Variants in SHISA4 observed in about 807,000 individuals in gnomAD.
The protein encoded by SHISA4 is shisa family member 4, also known as protein shisa-4.
In SHISA4, 16 loss-of-function variants were observed where a neutral mutation model predicts 24.2. The ratio of observed to expected loss-of-function variants is 0.66; its 90% confidence interval spans 0.45 to 1.00. The LOEUF (loss-of-function observed/expected upper bound fraction) is 1.00. SHISA4 is among the 50% of genes least tolerant of loss of function. The probability of loss-of-function intolerance (pLI) is 0.00; values close to 1 mark genes in which losing one functional copy is unlikely to be tolerated. For synonymous variants in SHISA4, 106 were observed against 105.4 expected (o/e 1.01, Z -0.04); for missense variants, 238 against 258.9 (o/e 0.92, Z 0.55).
chr1:201,890,103 A>G (rs1681065209), intron 2 of SHISA4, among the ~76,000 whole-genome samples: 1 of 152,198 alleles, frequency 6.6e-6, no homozygotes, highest in Non-Finnish European at 1.5e-5. Context: ...TAAAATAGAT[A>G]TAGAGACTTC....
chr1:201,891,950 C>A lies in SHISA4; in HGVS notation c.*104C>A. 7.1e-7 allele frequency: 1 copy of A among 1,398,914 alleles called. No homozygotes were observed. The highest frequency in any genetic ancestry group is 1.0e-6 in the Non-Finnish European group (1 of 989,138). 86.7% of individuals were successfully genotyped at this position (1,398,914 alleles called of 1,614,324 possible). On this transcript the variant is annotated 3_prime_UTR_variant, in exon 5 of 5. Coordinates refer to ENST00000362011, the MANE Select transcript of SHISA4 (RefSeq NM_198149.3). ...CTGGGGGTGGCAGGAGTCCTCCAGC[C>A]ACCAGGCCCCAGACCAAGCCAAGCC...
chr1:201,889,249 C>A, intron 1 of SHISA4, 182 bp downstream of exon 1: 2 of 923,270 alleles, frequency 2.2e-6, no homozygotes, highest in Non-Finnish European at 3.2e-6. Flanking sequence ...CCATGGGAGG[C>A]TGATCCCGGG....
intron 2 of SHISA4, among the ~76,000 whole-genome samples, chr1:201,890,180 G>C (rs1571567423): frequency 1.3e-5 from 2 of 152,140 alleles, no homozygotes; most frequent in African/African-American, 4.8e-5. Flanking sequence ...GTGTTATGCT[G>C]TATGTCTAAT....
At chr1:201,889,904 G>A (rs1681061402) in intron 2 of SHISA4, among the ~76,000 whole-genome samples, 1 of 152,128 alleles carries the variant, frequency 6.6e-6, no homozygotes, top group African/African-American at 2.4e-5. Flanking sequence ...GGGAGGGAGG[G>A]TTCAAGGTTA....
chr1:201,890,179 T>C (rs1332430880), intron 2 of SHISA4, among the ~76,000 whole-genome samples: 1 of 152,226 alleles, frequency 6.6e-6, no homozygotes, highest in African/African-American at 2.4e-5. Flanking sequence ...AGTGTTATGC[T>C]GTATGTCTAA....
At position 201,889,598 on chromosome 1, in the gene SHISA4, AGCACT is replaced by A; in HGVS notation, c.230_234del (p.His77ProfsTer48). The A allele has an allele frequency of 6.2e-7, 1 of 1,613,574 alleles. No individual in the cohort carries two copies. Among genetic ancestry groups the A allele is most frequent in the Non-Finnish European group, 8.5e-7 (1 of 1,179,956 alleles). On this transcript the variant is annotated frameshift_variant, in exon 2 of 5. Coordinates refer to ENST00000362011, the MANE Select transcript of SHISA4 (RefSeq NM_198149.3). LOFTEE classifies it high-confidence loss of function. ...TTGCTTATCACCGAGAGGCAGCAGA[AGCACT>A]GCCTGGCCTTCAGGTGGGTTCCTGC...
At chr1:201,890,649 G>A in intron 3 of SHISA4, 62 bp downstream of exon 3, 2 of 1,588,736 alleles carry the variant, frequency 1.3e-6, no homozygotes, top group South Asian at 2.3e-5. Flanking sequence ...ATAATGGGCA[G>A]CAGAGAGTTC....
At chr1:201,890,983 T>A (rs1681085248) in intron 3 of SHISA4, among the ~76,000 whole-genome samples, 1 of 152,170 alleles carries the variant, frequency 6.6e-6, no homozygotes, top group Admixed American at 6.5e-5. Flanking sequence ...TGGCATGTGA[T>A]GCACATATGC....
chr1:201,889,058 G>A lies in SHISA4; in HGVS notation c.64G>A (p.Ala22Thr). ...CGCAATCGCTCTGTTGGTGCTGGGG[G>A]CTCCCCTGGGTAAGGGGATGGGGAG... ...LTAIALLVLG[A>T]PLVLAGEDCL... Residue 22 changes from alanine to threonine, a missense_variant, in exon 1 of 5, where the codon GCT becomes ACT. By Grantham distance (58) the Ala-to-Thr change is moderately conservative (BLOSUM62 0). Coordinates refer to ENST00000362011, the MANE Select transcript of SHISA4 (RefSeq NM_198149.3). The A allele has an allele frequency of 2.9e-6, 4 of 1,393,576 alleles. No individual in the cohort carries two copies. Among genetic ancestry groups the A allele is most frequent in the South Asian group, 1.7e-5 (1 of 58,400 alleles). The allele number at this position is 1,393,576 out of a possible 1,614,324, so 86.3% of individuals were successfully genotyped here. A position where few individuals can be genotyped will look rare whatever the true frequency, so the allele number is the denominator to read the frequency against.
Position 201,888,906 on chromosome 1 carries a change from G to T in SHISA4, c.-89G>T. ...AAGAGGAGCCCGAGCCTGGCCGCGG[G>T]CTGGGCCCCGCCGCAGCTCCAGCTG... On this transcript the variant is annotated 5_prime_UTR_variant, in exon 1 of 5. Transcript: ENST00000362011. 2 of 907,896 alleles carry T rather than the reference G, an allele frequency of 2.2e-6. No homozygotes were observed. The highest frequency in any genetic ancestry group is 3.0e-6 in the Non-Finnish European group (2 of 675,866). The allele number at this position is 907,896 out of a possible 1,614,324, so 56.2% of individuals were successfully genotyped here. A position where few individuals can be genotyped will look rare whatever the true frequency, so the allele number is the denominator to read the frequency against.
At chr1:201,889,921 G>A (rs1398572892) in intron 2 of SHISA4, among the ~76,000 whole-genome samples, 3 of 152,136 alleles carry the variant, frequency 2.0e-5, no homozygotes, top group Non-Finnish European at 4.4e-5. Context: ...GTTAACACCC[G>A]GACGACAGTG....
chr1:201,891,725 G>T, intron 4 of SHISA4, 75 bp from the exon 5 acceptor site: 1 of 1,583,586 alleles, frequency 6.3e-7, no homozygotes, highest in South Asian at 1.1e-5. Context: ...GGTCCTGTCT[G>T]CCCCGGGGGC....
At chr1:201,891,751 C>T (rs201804809) in intron 4 of SHISA4, 49 bp from the exon 5 acceptor site, 24 of 1,607,160 alleles carry the variant, frequency 1.5e-5, no homozygotes, top group Middle Eastern at 1.6e-4. Flanking sequence ...TGTTACTTTT[C>T]GTCCACCTAT....
chr1:201,889,297 T>A (rs2102901557), intron 1 of SHISA4, 148 bp from the exon 2 acceptor site: 1 of 1,171,372 alleles, frequency 8.5e-7, no homozygotes, highest in Non-Finnish European at 1.2e-6. Flanking sequence ...TCGGGGGCTC[T>A]GGGGCTGAGA....
intron 2 of SHISA4, 51 bp downstream of exon 2, chr1:201,889,667 A>T: frequency 6.3e-7 from 1 of 1,595,778 alleles, no homozygotes; most frequent in Non-Finnish European, 8.6e-7. Flanking sequence ...TTTTCTCCAG[A>T]GGCCTCCTCT....
At chr1:201,891,153 C>T (rs527749036) in intron 3 of SHISA4, among the ~76,000 whole-genome samples, 83 of 152,158 alleles carry the variant, frequency 5.5e-4, no homozygotes, top group Middle Eastern at 3.2e-3. Flanking sequence ...CTGGGCTGTG[C>T]TCCCTGGTTC....
At chr1:201,888,888 G>A (rs988184552), upstream of SHISA4, 24 of 709,288 alleles carry the variant, frequency 3.4e-5, 1 homozygote, top group East Asian at 3.9e-4. Flanking sequence ...CGGAAGAGGA[G>A]CCCGAGCCTG....
rs143779561 is a variant in SHISA4 at position 201,891,476 on chromosome 1, C to T, written c.455C>T (p.Ala152Val). Residue 152 changes from alanine to valine, a missense_variant, in exon 4 of 5, where the codon GCA becomes GTA. By Grantham distance (64) the Ala-to-Val change is moderately conservative (BLOSUM62 0). Coordinates refer to ENST00000362011, the MANE Select transcript of SHISA4 (RefSeq NM_198149.3). ...PYPQDPKAGP[A>V]PPQPGFIYPP... ...CCCCAGGACCCCAAAGCTGGCCCTG[C>T]ACCCCCACAGCCTGGCTTCATATAC... The T allele has an allele frequency of 8.7e-6, 14 of 1,613,716 alleles. No individual in the cohort carries two copies. The highest frequency in any genetic ancestry group is 2.7e-5 in the African/African-American group (2 of 74,850).
intron 3 of SHISA4, 31 bp from the exon 4 acceptor site, chr1:201,891,370 C>T (rs760338007): frequency 6.2e-7 from 1 of 1,613,466 alleles, no homozygotes; most frequent in African/African-American, 1.3e-5. Flanking sequence ...GGAGATGGGT[C>T]TCTGAATGCT....
Sources: allele counts gnomAD v4.1 joint callset (sites outside exome capture counted in the v4.1 genomes callset), GRCh38; gene constraint gnomAD v4.1.1; transcripts MANE v1.5; gene names NCBI Gene and HGNC (gene_info 2026-07-23, HGNC 2026-07-21).